CCSER1: variants seen among roughly 807,000 people sequenced by gnomAD.
The protein encoded by CCSER1 is coiled-coil serine rich protein 1.
Under a neutral mutation model 82.0 loss-of-function variants are expected in CCSER1, and 41 were observed. The ratio of observed to expected loss-of-function variants is 0.50; its 90% CI spans 0.39 to 0.65. CCSER1 has a LOEUF of 0.65. CCSER1 is among the 30% of genes least tolerant of loss of function. CCSER1 has a pLI of 0.00. For missense variants in CCSER1, 1,119 were observed against 1,064.2 expected (o/e 1.05, Z -0.72); for synonymous variants, 414 against 383.9 (o/e 1.08, Z -0.92).
chr4:91,406,887 GA>G (rs980188847), intron 10 of CCSER1, among the ~76,000 whole-genome samples: 1 of 151,960 alleles, frequency 6.6e-6, no homozygotes, highest in Non-Finnish European at 1.5e-5. Flanking sequence ...AATTATTAAT[GA>G]AAAAAACAAC....
chr4:91,097,653 ATACTC>A (rs1291389968), intron 10 of CCSER1, among the ~76,000 whole-genome samples: 2 of 152,196 alleles, frequency 1.3e-5, no homozygotes, highest in Non-Finnish European at 2.9e-5. Context: ...CTTTATAGAC[ATACTC>A]ATTCCATTAC....
intron 10 of CCSER1, among the ~76,000 whole-genome samples, chr4:91,199,948 A>C (rs1735773952): frequency 6.6e-6 from 1 of 152,044 alleles, no homozygotes; most frequent in South Asian, 2.1e-4. Flanking sequence ...GGATTGAAAA[A>C]AGAAATATTT....
chr4:90,313,484 C>G (rs1430198501), intron 3 of CCSER1, among the ~76,000 whole-genome samples: 1 of 152,192 alleles, frequency 6.6e-6, no homozygotes. Context: ...CTGCAGTGCC[C>G]TTCCACAAAG....
intron 3 of CCSER1, among the ~76,000 whole-genome samples, chr4:90,340,852 T>C (rs1005029696): frequency 1.3e-5 from 2 of 152,104 alleles, no homozygotes; most frequent in Non-Finnish European, 2.9e-5. Flanking sequence ...CCAGTGGCAT[T>C]TGTCAAAATG....
chr4:91,051,344 A>G (rs886093980), intron 9 of CCSER1, among the ~76,000 whole-genome samples: 5 of 152,088 alleles, frequency 3.3e-5, no homozygotes. Context: ...ATTATTTTAT[A>G]GCCATTAAAT....
chr4:90,801,424 T>C (rs924357865), intron 7 of CCSER1, among the ~76,000 whole-genome samples: 2 of 152,060 alleles, frequency 1.3e-5, no homozygotes, highest in Non-Finnish European at 2.9e-5. Flanking sequence ...AAATGTAAGG[T>C]GGTATTATTA....
intron 10 of CCSER1, among the ~76,000 whole-genome samples, chr4:91,185,993 C>T (rs1734495121): frequency 6.6e-6 from 1 of 152,134 alleles, no homozygotes; most frequent in Admixed American, 6.5e-5. Context: ...TAATATTTCC[C>T]TGTTGATCTG....
chr4:90,158,924 A>T (rs1288381371), intron 1 of CCSER1, among the ~76,000 whole-genome samples: 3 of 151,964 alleles, frequency 2.0e-5, no homozygotes, highest in Admixed American at 6.6e-5. Context: ...AGTGAGATGA[A>T]CCCAGTACCT....
At chr4:90,445,509 G>A (rs1474261235) in intron 4 of CCSER1, among the ~76,000 whole-genome samples, 1 of 152,034 alleles carries the variant, frequency 6.6e-6, no homozygotes, top group African/African-American at 2.4e-5. Flanking sequence ...GCTTGATATT[G>A]TAGTGATGTA....
intron 10 of CCSER1, among the ~76,000 whole-genome samples, chr4:91,394,185 TA>T (rs1237155267): frequency 2.6e-5 from 4 of 152,106 alleles, no homozygotes; most frequent in Non-Finnish European, 4.4e-5. Flanking sequence ...AGAGACTGGT[TA>T]TTCAATCATA....
rs1378055828 is a variant in CCSER1, at chr4:91,494,867, G to A, written c.2218-103705G>A. Among the ~76,000 whole-genome samples, 11 of 151,550 alleles carry A rather than the reference G, an allele frequency of 7.3e-5. No homozygotes were observed. The Admixed American group carries it at 7.3e-4, about 10-fold the overall frequency. On this transcript the variant is annotated intron_variant, in intron 10 of 10. Coordinates refer to ENST00000509176, the MANE Select transcript of CCSER1 (RefSeq NM_001145065.2). ...CAAAGGAAGAGGTCATTTTTAAAATGTCATTAATTTTATTTTATGTCATTA... is the reference window on the plus strand; with the variant it reads ...CAAAGGAAGAGGTCATTTTTAAAATATCATTAATTTTATTTTATGTCATTA...
intron 10 of CCSER1, among the ~76,000 whole-genome samples, chr4:91,124,650 T>A (rs1727353206): frequency 6.6e-6 from 1 of 151,830 alleles, no homozygotes; most frequent in South Asian, 2.1e-4. Flanking sequence ...CATAATTTGA[T>A]AAACTCTTTG....
intron 7 of CCSER1, 62 bp downstream of exon 7, chr4:90,724,053 A>C (rs1743198389): frequency 9.8e-7 from 1 of 1,024,890 alleles, no homozygotes. Flanking sequence ...AAATAGTTTA[A>C]AATAGTTTAT....
At chr4:91,563,605 A>G (rs1762757281) in intron 10 of CCSER1, among the ~76,000 whole-genome samples, 1 of 151,854 alleles carries the variant, frequency 6.6e-6, no homozygotes, top group South Asian at 2.1e-4. Context: ...TCAGTGGTGA[A>G]AAGCTGAGAG....
chr4:90,892,582 T>TTA (rs1369798337), intron 8 of CCSER1, among the ~76,000 whole-genome samples: 2 of 151,816 alleles, frequency 1.3e-5, no homozygotes, highest in Non-Finnish European at 2.9e-5. Context: ...TTGTATTTGA[T>TTA]TAGCTTAATC....
chr4:91,136,065 A>G (rs970034785), intron 10 of CCSER1, among the ~76,000 whole-genome samples: 12 of 152,196 alleles, frequency 7.9e-5, no homozygotes, highest in Admixed American at 7.9e-4. Flanking sequence ...AAAAAATTTT[A>G]GTTTCCAAAT....
intron 10 of CCSER1, among the ~76,000 whole-genome samples, chr4:91,364,013 T>C (rs1749440884): frequency 6.6e-6 from 1 of 151,942 alleles, no homozygotes; most frequent in South Asian, 2.1e-4. Context: ...TGACATAATT[T>C]AACTCCATGG....
In CCSER1 at chr4:90,631,180, G is replaced by A. The variant is rs183131382; in HGVS notation, c.1932+2948G>A. On this transcript the variant is annotated intron_variant, in intron 6 of 10. Transcript: ENST00000509176. The stretch of plus-strand genomic sequence containing the variant: ...AGTGCTGGGACTACAGGCATGAGCC[G>A]CCGCACCTGGCCAAGTTCACAGATT... Among the ~76,000 whole-genome samples, 489 of 152,086 alleles carry A rather than the reference G, an allele frequency of 3.2e-3. 1 individual carries two copies. The highest frequency in any genetic ancestry group is 4.7e-3 in the Non-Finnish European group (322 of 67,976).
intron 3 of CCSER1, among the ~76,000 whole-genome samples, chr4:90,332,059 T>C (rs1013636474): frequency 6.6e-6 from 1 of 152,130 alleles, no homozygotes; most frequent in African/African-American, 2.4e-5. Flanking sequence ...CTCAGTTGCA[T>C]ATTAATAGTA....
Sources: gnomAD v4.1 joint callset for allele counts (sites outside exome capture counted in the v4.1 genomes callset) on GRCh38, gnomAD v4.1.1 for gene constraint, MANE v1.5 for transcripts, NCBI Gene and HGNC (gene_info 2026-07-23, HGNC 2026-07-21) for gene names.